KCND3: variants seen among roughly 807,000 people sequenced by gnomAD.
The protein encoded by KCND3 is A-type voltage-gated potassium channel KCND3.
A neutral mutation model predicts 51.1 loss-of-function variants in KCND3; 9 were observed. That is an observed-to-expected ratio of 0.18 (90% CI 0.11 to 0.31). KCND3 has a LOEUF of 0.31. Ranked by LOEUF, KCND3 falls within the 10% of genes least tolerant of loss-of-function variation. The pLI is 1.00. For missense variants in KCND3, 526 were observed against 903.8 expected (o/e 0.58, Z 5.36); for synonymous variants, 349 against 368.0 (o/e 0.95, Z 0.59).
chr1:111,798,450 C>A (rs1665154480), intron 2 of KCND3, among the ~76,000 whole-genome samples: 1 of 152,140 alleles, frequency 6.6e-6, no homozygotes, highest in East Asian at 1.9e-4. Flanking sequence ...CCCTGACATA[C>A]CTCCCCAAAA....
At chr1:111,784,633 TC>T (rs1664531879) in intron 3 of KCND3, among the ~76,000 whole-genome samples, 1 of 152,134 alleles carries the variant, frequency 6.6e-6, no homozygotes, top group African/African-American at 2.4e-5. Flanking sequence ...TTCCACCAAA[TC>T]CTCTGGACCT....
chr1:111,933,781 T>G (rs1271739355), intron 2 of KCND3, among the ~76,000 whole-genome samples: 1 of 151,780 alleles, frequency 6.6e-6, no homozygotes, highest in African/African-American at 2.4e-5. Context: ...AGACATCTCC[T>G]CCACATTTCC....
chr1:111,801,796 A>T (rs1192262124), intron 2 of KCND3, among the ~76,000 whole-genome samples: 1 of 152,062 alleles, frequency 6.6e-6, no homozygotes, highest in Non-Finnish European at 1.5e-5. Flanking sequence ...TTTTTCACCC[A>T]TCCTCATCCT....
intron 2 of KCND3, among the ~76,000 whole-genome samples, chr1:111,872,124 A>G (rs1286986109): frequency 6.6e-6 from 1 of 152,250 alleles, no homozygotes; most frequent in East Asian, 1.9e-4. Context: ...AACACTTCAC[A>G]TGTACTAATT....
At position 111,982,618 on chromosome 1, in the gene KCND3, G is replaced by A. The variant is rs1198744961; in HGVS notation, c.109C>T (p.Arg37Trp). ...MPLAPADKNK[R>W]QDELIVLNVS... Reference sequence around the variant, plus strand: ...TTGAGGACAATCAGCTCATCCTGCCGCTTGTTCTTGTCGGCCGGGGCCAGG... The same window carrying A: ...TTGAGGACAATCAGCTCATCCTGCCACTTGTTCTTGTCGGCCGGGGCCAGG... The change falls in exon 2 of 8, where the codon CGG becomes TGG. Residue 37 changes from arginine (R) to tryptophan (W), a missense_variant. Transcript: ENST00000302127. This position sits in a 1 kb window ranked among gnomAD's most constrained non-coding sequence, Gnocchi z 8.5. 8 of 1,613,776 alleles carry A rather than the reference G, an allele frequency of 5.0e-6. No individual in the cohort carries two copies. The highest frequency in any genetic ancestry group is 1.6e-4 in the Middle Eastern group (1 of 6,082).
chr1:111,911,636 T>C (rs1670953070), intron 2 of KCND3, among the ~76,000 whole-genome samples: 1 of 152,154 alleles, frequency 6.6e-6, no homozygotes, highest in Admixed American at 6.5e-5. Context: ...TCAAGAATAA[T>C]GTCATATTGG....
chr1:111,866,505 TCTAC>T (rs1469559622), intron 2 of KCND3, among the ~76,000 whole-genome samples: 1 of 151,826 alleles, frequency 6.6e-6, no homozygotes, highest in Non-Finnish European at 1.5e-5. Flanking sequence ...GCCCAAGCAA[TCTAC>T]CTGCCTTGGC....
At chr1:111,861,265 G>A (rs1668327903) in intron 2 of KCND3, among the ~76,000 whole-genome samples, 1 of 152,124 alleles carries the variant, frequency 6.6e-6, no homozygotes, top group Admixed American at 6.5e-5. Flanking sequence ...CCCTGTCCAG[G>A]CAAGGGTCCC....
intron 2 of KCND3, among the ~76,000 whole-genome samples, chr1:111,844,979 C>CAT (rs1456764904): frequency 6.6e-6 from 1 of 152,226 alleles, no homozygotes; most frequent in African/African-American, 2.4e-5. Flanking sequence ...CTTGACCCTG[C>CAT]ATACTGCTGT....
rs750478656 is a variant in KCND3, at chr1:111,776,098, A to C, written c.1947T>G (p.Val649=). The change falls in exon 8 of 8, where the codon GTT becomes GTG. Residue 649 remains valine, a synonymous_variant. Coordinates refer to ENST00000302127, the MANE Select transcript of KCND3 (RefSeq NM_001378969.1). The part of the protein sequence containing the change: ...NTNIPSIASN[V]VKVSAL Reference sequence around the variant, plus strand: ...GGTTTTACAAGGCGGAGACCTTGACAACATTGCTGGCTATGGAAGGAATGT... The same window carrying C: ...GGTTTTACAAGGCGGAGACCTTGACCACATTGCTGGCTATGGAAGGAATGT... 6.2e-7 allele frequency: 1 copy of C among 1,614,180 alleles called. No homozygotes were observed.
chr1:111,952,252 T>C (rs1673096911), intron 2 of KCND3, among the ~76,000 whole-genome samples: 1 of 152,150 alleles, frequency 6.6e-6, no homozygotes, highest in African/African-American at 2.4e-5. Flanking sequence ...GGCTGCTTGC[T>C]GCATGTCTGG....
chr1:111,914,631 A>T (rs1021713114), intron 2 of KCND3, among the ~76,000 whole-genome samples: 9 of 152,224 alleles, frequency 5.9e-5, no homozygotes, highest in African/African-American at 2.2e-4. Context: ...AGTACTGAAA[A>T]GGAAAAAAAC....
intron 2 of KCND3, among the ~76,000 whole-genome samples, chr1:111,798,217 C>T (rs1665143082): frequency 6.6e-6 from 1 of 152,174 alleles, no homozygotes; most frequent in Non-Finnish European, 1.5e-5. Flanking sequence ...CTGTATGCAT[C>T]TGTGCTCCCA....
At chr1:111,781,692 T>A (rs1410130132) in intron 3 of KCND3, among the ~76,000 whole-genome samples, 1 of 152,146 alleles carries the variant, frequency 6.6e-6, no homozygotes, top group Non-Finnish European at 1.5e-5. Context: ...GCTAATTTTG[T>A]ATTTTTAGTA....
chr1:111,877,562 G>C (rs1669105846), intron 2 of KCND3, among the ~76,000 whole-genome samples: 1 of 152,088 alleles, frequency 6.6e-6, no homozygotes, highest in African/African-American at 2.4e-5. Flanking sequence ...AGGGAAAGGG[G>C]AATTATGAGG....
Position 111,902,020 on chromosome 1 carries a change from T to C in KCND3, c.1106+79601A>G, listed in dbSNP as rs138511940. On this transcript the variant is annotated intron_variant, in intron 2 of 7. Transcript: ENST00000302127. ...GAGTAAGATCCCACGTGCTCAGCGG[T>C]TTACTTACTAAAGCACAAAAATGCT... Among the ~76,000 whole-genome samples, 602 of 152,234 alleles carry C rather than the reference T, an allele frequency of 4.0e-3. 1 individual carries two copies. The highest frequency in any genetic ancestry group is 8.3e-3 in the South Asian group (40 of 4,810).
At position 111,933,808 on chromosome 1, in the gene KCND3, TAATC is replaced by T. The variant is rs1672088004; in HGVS notation, c.1106+47809_1106+47812del. On this transcript the variant is annotated intron_variant, in intron 2 of 7. Coordinates refer to ENST00000302127, the MANE Select transcript of KCND3 (RefSeq NM_001378969.1). ...CACATTTCCCTACACTGTCTGTACT[TAATC>T]AATTTGCACTTGTTTATCAGTCATG... Among the ~76,000 whole-genome samples, 3 of 152,206 alleles carry T rather than the reference TAATC, an allele frequency of 2.0e-5. No individual in the cohort carries two copies. The South Asian group carries it at 6.2e-4, about 31-fold the overall frequency.
At chr1:111,873,704 G>A (rs1668929217) in intron 2 of KCND3, among the ~76,000 whole-genome samples, 2 of 152,224 alleles carry the variant, frequency 1.3e-5, no homozygotes, top group South Asian at 2.1e-4. Flanking sequence ...CTTGTTCTGA[G>A]CACTCAACAT....
intron 2 of KCND3, among the ~76,000 whole-genome samples, chr1:111,846,094 G>C (rs1032778342): frequency 2.6e-5 from 4 of 152,160 alleles, no homozygotes; most frequent in Non-Finnish European, 5.9e-5. Flanking sequence ...CAGCACACTA[G>C]CATTGTGGTG....
Sources: gnomAD v4.1 joint callset for allele counts (sites outside exome capture counted in the v4.1 genomes callset) on GRCh38, gnomAD v4.1.1 for gene constraint, Gnocchi (gnomAD v3.1) non-coding constraint, MANE v1.5 for transcripts, NCBI Gene and HGNC (gene_info 2026-07-23, HGNC 2026-07-21) for gene names.